LRRC37B: variants seen among roughly 807,000 people sequenced by gnomAD.
LRRC37B encodes the protein leucine-rich repeat-containing protein 37B.
Under a neutral mutation model 98.3 loss-of-function variants are expected in LRRC37B, and 28 were observed. The observed-to-expected ratio is 0.28, with a 90% CI of 0.21 to 0.39. The LOEUF (loss-of-function observed/expected upper bound fraction) is 0.39, where lower values mean the gene tolerates loss of function less well. Among genes scored for constraint, LRRC37B ranks in the 10% least tolerant of loss-of-function variants. The pLI, the probability that LRRC37B is intolerant of heterozygous loss-of-function variation, is 1.00. For synonymous variants in LRRC37B, 364 were observed against 442.7 expected (o/e 0.82, Z 2.23); for missense variants, 938 against 1,182.7 (o/e 0.79, Z 3.03).
chr17:32,047,284 C>T (rs1381609818), intron 8 of LRRC37B: 2 of 205,314 alleles, frequency 9.7e-6, no homozygotes, highest in African/African-American at 2.3e-5. Flanking sequence ...CCACCCTGCT[C>T]CTCTCAGAGG....
intron 7 of LRRC37B, 172 bp from the exon 11 acceptor site, chr17:32,045,528 T>A (rs548550017): frequency 1.6e-6 from 1 of 644,338 alleles, no homozygotes; most frequent in African/African-American, 1.8e-5. Context: ...TACCCTTCAG[T>A]TGGGCACCTG....
exon 1 of LRRC37B, chr17:32,021,617 T>C: frequency 6.2e-7 from 1 of 1,614,208 alleles, no homozygotes; most frequent in Non-Finnish European, 8.5e-7. Context: ...GGGTTCAAAC[T>C]ACAGATCTAG....
chr17:32,034,681 T>TG lies in LRRC37B; in HGVS notation c.2058-229_2058-228insG, dbSNP rs559354376. 4.5e-3 allele frequency among the ~76,000 whole-genome samples: 676 copies of TG among 148,598 alleles called. 2 individuals carry two copies. The highest frequency in any genetic ancestry group is 6.9e-3 in the Middle Eastern group (2 of 290). ...TTCTTTCCTATCCATTTCTTGTGTG[T>TG]TTTTTTTTTCTATTTCTTCCCTGCT... On this transcript the variant is annotated intron_variant, in intron 5 of 11. Transcript: ENST00000327564.
At chr17:32,020,830 G>A, upstream of LRRC37B, 1 of 812,184 alleles carries the variant, frequency 1.2e-6, no homozygotes. Flanking sequence ...GGGAAGCTCT[G>A]CCGTGCCCCC....
exon 7 of LRRC37B, chr17:32,035,635 A>C (rs1911225963): frequency 6.2e-7 from 1 of 1,606,590 alleles, no homozygotes; most frequent in African/African-American, 1.3e-5. Context: ...TGAACTGGAA[A>C]AACTGTAAGT....
At chr17:32,048,607 T>C (rs1176488825) in intron 9 of LRRC37B, among the ~76,000 whole-genome samples, 2 of 152,086 alleles carry the variant, frequency 1.3e-5, no homozygotes, top group African/African-American at 4.8e-5. Flanking sequence ...TGAAGGCTGC[T>C]AAACCAATCA....
intron 2 of LRRC37B, among the ~76,000 whole-genome samples, chr17:32,026,273 G>A (rs540987435): frequency 5.0e-4 from 76 of 152,250 alleles, no homozygotes; most frequent in African/African-American, 1.7e-3. Context: ...CCAGCACCTC[G>A]GGAGTTCGAG....
intron 7 of LRRC37B, chr17:32,040,827 G>A (rs1911404590): frequency 4.9e-6 from 4 of 818,748 alleles, no homozygotes; most frequent in Non-Finnish European, 6.5e-6. Context: ...GGACATAGAG[G>A]TCAAGCAGAA....
chr17:32,009,218 CT>C (rs1910475948), intron 1 of LRRC37B, among the ~76,000 whole-genome samples: 1 of 151,548 alleles, frequency 6.6e-6, no homozygotes, highest in Non-Finnish European at 1.5e-5. Context: ...TTATGTGCAT[CT>C]TTTTATTTGC....
chr17:32,048,307 TG>T (rs1227266478), intron 9 of LRRC37B, among the ~76,000 whole-genome samples: 1 of 149,184 alleles, frequency 6.7e-6, no homozygotes, highest in African/African-American at 2.5e-5. Context: ...CCCAGGCATT[TG>T]TGGACAATGC....
Position 32,049,897 on chromosome 17 carries a change from T to G in LRRC37B, c.2758-106T>G, listed in dbSNP as rs60920293. On this transcript the variant is annotated intron_variant, in intron 10 of 11. Transcript: ENST00000327564. ...AAAATAAAAAGAACAAAAGAACCTG[T>G]AAGCTACTCAACTGGCATACTGGGG... The G allele has an allele frequency of 4.7e-3, 2,969 of 631,372 alleles. 46 individuals are homozygous for G. The highest frequency in any genetic ancestry group is 0.039 in the African/African-American group (2,078 of 53,188). The allele number at this position is 631,372 out of a possible 1,614,324, so 39.1% of individuals were successfully genotyped here.
chr17:32,038,230 C>CAGG (rs950995125), intron 7 of LRRC37B, among the ~76,000 whole-genome samples: 1 of 152,082 alleles, frequency 6.6e-6, no homozygotes, highest in Admixed American at 6.6e-5. Context: ...GAGGCTGAGG[C>CAGG]AGGAGGATTG....
intron 7 of LRRC37B, among the ~76,000 whole-genome samples, chr17:32,037,653 T>G (rs1428429736): frequency 2.0e-5 from 3 of 152,248 alleles, no homozygotes; most frequent in African/African-American, 7.2e-5. Flanking sequence ...CTGGTTTTAA[T>G]TTGCATTTCT....
intron 1 of LRRC37B, 128 bp from the exon 5 acceptor site, chr17:32,024,583 C>G: frequency 6.5e-7 from 1 of 1,532,480 alleles, no homozygotes; most frequent in Non-Finnish European, 9.0e-7. Context: ...GCTGATAGCT[C>G]TGGAAATGAG....
chr17:32,039,956 A>G (rs1911378265), intron 7 of LRRC37B: 1 of 152,146 alleles, frequency 6.6e-6, no homozygotes, highest in Admixed American at 6.6e-5. Context: ...TTAGTTCTCT[A>G]AGATAGTGAG....
intron 7 of LRRC37B, among the ~76,000 whole-genome samples, chr17:32,036,915 T>C (rs1441321322): frequency 6.6e-6 from 1 of 151,554 alleles, no homozygotes; most frequent in Non-Finnish European, 1.5e-5. Context: ...CTAAAGTGGC[T>C]GTGCCATTTT....
chr17:32,027,945 C>A, intron 3 of LRRC37B, 105 bp downstream of exon 6: 1 of 785,454 alleles, frequency 1.3e-6, no homozygotes. Flanking sequence ...CAATAAAATT[C>A]TGCAATTCTG....
At chr17:32,030,126 G>T (rs1295609026) in intron 3 of LRRC37B, among the ~76,000 whole-genome samples, 1 of 151,936 alleles carries the variant, frequency 6.6e-6, no homozygotes, top group African/African-American at 2.4e-5. Context: ...AACCAAAAAT[G>T]AATTTCTATT....
At chr17:32,020,739 C>A, upstream of LRRC37B, 1 of 476,618 alleles carries the variant, frequency 2.1e-6, no homozygotes, top group Non-Finnish European at 3.3e-6. Flanking sequence ...TCGGATTTCA[C>A]CTCAGAGGAG....
Sources: allele counts gnomAD v4.1 joint callset (sites outside exome capture counted in the v4.1 genomes callset), GRCh38; gene constraint gnomAD v4.1.1; transcripts MANE v1.5; gene names NCBI Gene and HGNC (gene_info 2026-07-23, HGNC 2026-07-21).